Variants in USP13 observed in about 807,000 individuals in gnomAD.
USP13 encodes the protein ubiquitin specific peptidase 13, also known as ubiquitin carboxyl-terminal hydrolase 13.
Under a neutral mutation model 107.8 loss-of-function variants are expected in USP13, and 68 were observed. That is an observed-to-expected ratio of 0.63 (90% confidence interval 0.52 to 0.77). The LOEUF (loss-of-function observed/expected upper bound fraction) is 0.77. Among genes scored for constraint, USP13 ranks in the 30% least tolerant of loss-of-function variants. The pLI, the probability that USP13 is intolerant of heterozygous loss-of-function variation, is 0.00. For missense variants in USP13, 945 were observed against 1,093.3 expected, an observed-to-expected ratio of 0.86 and a Z score of 1.91; for synonymous variants, 377 against 389.5, an observed-to-expected ratio of 0.97 and a Z score of 0.38.
At position 179,765,674 on chromosome 3, in the gene USP13, CT is replaced by C; in HGVS notation, c.2260-20del. 4 of 1,612,850 alleles carry C rather than the reference CT, an allele frequency of 2.5e-6. No individual in the cohort carries two copies. The highest frequency in any genetic ancestry group is 3.4e-6 in the Non-Finnish European group (4 of 1,179,352). On this transcript the variant is annotated intron_variant, in intron 18 of 20. Transcript: ENST00000263966. ...GAGGCTGCATGCATTGTAAAAACAT[CT>C]GTTTCTTTTTTGTTGTTAGAATAAT...
At chr3:179,771,956 A>G (rs1354757856) in intron 19 of USP13, among the ~76,000 whole-genome samples, 4 of 152,204 alleles carry the variant, frequency 2.6e-5, no homozygotes, top group African/African-American at 9.6e-5. Context: ...TGTGCCAGGC[A>G]CTTCCTTGAC....
At chr3:179,708,393 G>A (rs537695039) in intron 5 of USP13, among the ~76,000 whole-genome samples, 6 of 151,344 alleles carry the variant, frequency 4.0e-5, no homozygotes, top group South Asian at 2.1e-4. Context: ...TGCAACCTCC[G>A]CCTCTCGGGT....
intron 1 of USP13, among the ~76,000 whole-genome samples, chr3:179,658,197 G>T (rs569256477): frequency 6.6e-6 from 1 of 152,024 alleles, no homozygotes; most frequent in Admixed American, 6.6e-5. Context: ...CTCGTGATCC[G>T]CCCACCTTGG....
chr3:179,694,616 G>A (rs940873584), intron 3 of USP13, among the ~76,000 whole-genome samples: 15 of 151,896 alleles, frequency 9.9e-5, no homozygotes, highest in Admixed American at 2.6e-4. Flanking sequence ...CCTGGCCAAC[G>A]TGGTGAAACC....
In USP13 at chr3:179,721,540, C is replaced by T. The variant is rs1713318644; in HGVS notation, c.1039C>T (p.Leu347Phe). 1 of 1,614,104 alleles carries T rather than the reference C, an allele frequency of 6.2e-7. No individual in the cohort carries two copies. Among genetic ancestry groups the T allele is most frequent in the Non-Finnish European group, 8.5e-7 (1 of 1,180,042 alleles). ...GAAGAACCTGGGCAACAGCTGCTAT[C>T]TCAGCTCTGTCATGCAGGCCATCTT... ...GLKNLGNSCY[L>F]SSVMQAIFSI... Residue 347 changes from leucine to phenylalanine, a missense_variant, in exon 8 of 21, where the codon CTC becomes TTC. Transcript: ENST00000263966. The surrounding 1 kb of genome is among the most constrained non-coding windows in gnomAD (Gnocchi z 4.3).
chr3:179,699,604 G>A (rs1412647383), intron 3 of USP13, among the ~76,000 whole-genome samples: 3 of 151,372 alleles, frequency 2.0e-5, no homozygotes, highest in Admixed American at 2.0e-4. Flanking sequence ...GGAGGGTGAG[G>A]TGGGAGGATA....
intron 19 of USP13, 58 bp from the exon 20 acceptor site, chr3:179,781,681 G>C: frequency 1.3e-6 from 2 of 1,487,338 alleles, no homozygotes; most frequent in Non-Finnish European, 1.9e-6. Context: ...ATTCTAACCA[G>C]AAGTGCTCTT....
intron 3 of USP13, among the ~76,000 whole-genome samples, chr3:179,696,939 A>G (rs535761464): frequency 1.7e-4 from 26 of 152,330 alleles, no homozygotes; most frequent in Admixed American, 5.2e-4. Context: ...TATATAAATA[A>G]CTGGTAATGC....
At position 179,689,474 on chromosome 3, in the gene USP13, C is replaced by T. The variant is rs1712024580; in HGVS notation, c.295-767C>T. The stretch of plus-strand genomic sequence containing the variant: ...GAGTTCAAGACCAGCCTGACCAACA[C>T]AGTGAAACCCCGTCTCTACTAAAAA... On this transcript the variant is annotated intron_variant, in intron 2 of 20. Transcript: ENST00000263966. Among the ~76,000 whole-genome samples the T allele has an allele frequency of 2.6e-5, 4 of 151,964 alleles. No individual in the cohort carries two copies. In the South Asian group the frequency reaches 8.3e-4, roughly 32 times the overall value.
intron 19 of USP13, among the ~76,000 whole-genome samples, chr3:179,779,705 A>T (rs1033852798): frequency 2.1e-5 from 3 of 145,846 alleles, no homozygotes; most frequent in Non-Finnish European, 4.5e-5. Context: ...TCAGCCTTTG[A>T]CGCAAGGGTT....
chr3:179,708,508 G>T (rs1712804833), intron 5 of USP13, among the ~76,000 whole-genome samples: 1 of 152,074 alleles, frequency 6.6e-6, no homozygotes, highest in African/African-American at 2.4e-5. Context: ...AGAGACGGGG[G>T]TTTCGCCATG....
intron 19 of USP13, among the ~76,000 whole-genome samples, chr3:179,774,603 C>T (rs932321116): frequency 6.6e-6 from 1 of 152,110 alleles, no homozygotes; most frequent in Admixed American, 6.5e-5. Context: ...AGCTGCAGAC[C>T]TTTGCAGTGA....
At chr3:179,782,965 A>G (rs934995711) in intron 20 of USP13, among the ~76,000 whole-genome samples, 1 of 152,130 alleles carries the variant, frequency 6.6e-6, no homozygotes, top group Non-Finnish European at 1.5e-5. Flanking sequence ...GGCTGGTCCC[A>G]AACTCCTGAC....
intron 14 of USP13, among the ~76,000 whole-genome samples, chr3:179,753,804 C>T (rs1023348298): frequency 6.6e-6 from 1 of 152,082 alleles, no homozygotes; most frequent in Non-Finnish European, 1.5e-5. Context: ...TATCCTGTAC[C>T]AATATTTGAA....
chr3:179,765,265 C>G (rs1043921306), intron 18 of USP13, among the ~76,000 whole-genome samples: 6 of 152,202 alleles, frequency 3.9e-5, no homozygotes, highest in Non-Finnish European at 7.3e-5. Context: ...ACACTGGCAT[C>G]CCTCTATTGT....
rs112614491 is a variant in USP13 at position 179,745,357 on chromosome 3, A to C, written c.1709+140A>C. 2.9e-5 allele frequency: 31 copies of C among 1,070,586 alleles called. No individual in the cohort carries two copies. In the African/African-American group the frequency reaches 4.1e-4, roughly 14 times the overall value. 66.3% of individuals were successfully genotyped at this position (1,070,586 alleles called of 1,614,324 possible). On this transcript the variant is annotated intron_variant, in intron 13 of 20. Transcript: ENST00000263966. ...TGATGGATGGGATTATGGTTCACAC[A>C]CCCTAACTGTCGTCAAACTTCACTT...
chr3:179,764,365 C>T (rs1221615915), intron 18 of USP13, among the ~76,000 whole-genome samples, 197 bp downstream of exon 18: 3 of 151,832 alleles, frequency 2.0e-5, no homozygotes, highest in Admixed American at 6.6e-5. Context: ...TTTCACACAG[C>T]GAATGAGATA....
At chr3:179,764,859 T>A (rs1182094215) in intron 18 of USP13, among the ~76,000 whole-genome samples, 1 of 152,194 alleles carries the variant, frequency 6.6e-6, no homozygotes, top group Non-Finnish European at 1.5e-5. Context: ...CCTGATGGGG[T>A]GCCTGCTAGG....
In USP13 at chr3:179,745,313, G is replaced by C. The variant is rs78077539; in HGVS notation, c.1709+96G>C. Reference sequence around the variant, plus strand: ...AAGGGGGTGGGTGTTATTTGTGTCTGTGTGTGTTTGTTCATGTGTGATGGA... The same window carrying C: ...AAGGGGGTGGGTGTTATTTGTGTCTCTGTGTGTTTGTTCATGTGTGATGGA... On this transcript the variant is annotated intron_variant, in intron 13 of 20. Transcript: ENST00000263966. The C allele has an allele frequency of 1.5e-5, 22 of 1,435,018 alleles. No individual in the cohort carries two copies. In the Admixed American group the frequency reaches 4.3e-4, roughly 28 times the overall value. The allele number at this position is 1,435,018 out of a possible 1,614,324, so 88.9% of individuals were successfully genotyped here. A position where few individuals can be genotyped will look rare whatever the true frequency, so the allele number is the denominator to read the frequency against.
Sources: gnomAD v4.1 joint callset for allele counts (sites outside exome capture counted in the v4.1 genomes callset) on GRCh38, gnomAD v4.1.1 for gene constraint, Gnocchi (gnomAD v3.1) non-coding constraint, MANE v1.5 for transcripts, NCBI Gene and HGNC (gene_info 2026-07-23, HGNC 2026-07-21) for gene names.